ADH4: variants seen among roughly 807,000 people sequenced by gnomAD.
ADH4 encodes all-trans-retinol dehydrogenase [NAD(+)] ADH4.
ADH4 carries 31 observed loss-of-function variants against 35.2 expected under a neutral mutation model. The observed-to-expected ratio is 0.88, with a 90% CI of 0.66 to 1.19. The LOEUF (loss-of-function observed/expected upper bound fraction) is 1.19. Ranked by LOEUF, ADH4 falls within the 50% of genes most tolerant of loss-of-function variation. ADH4 has a pLI of 0.00. For missense variants in ADH4, 476 were observed against 458.3 expected (o/e 1.04, Z -0.35); for synonymous variants, 171 against 160.2 (o/e 1.07, Z -0.51).
chr4:99,142,430 G>C (rs29001175), intron 2 of ADH4, among the ~76,000 whole-genome samples: 6,884 of 152,272 alleles, frequency 0.045, 485 homozygotes, highest in African/African-American at 0.15. Flanking sequence ...TCCTTTGTCT[G>C]ATTCTTAGGG....
rs745905569 is a variant in ADH4 at position 99,136,569 on chromosome 4, T to C, written c.479A>G (p.Asp160Gly). Residue 160 changes from aspartate to glycine, a missense_variant, in exon 5 of 9, where the codon GAT becomes GGT. By Grantham distance (94) the Asp-to-Gly change is moderately conservative (BLOSUM62 -1). Coordinates refer to ENST00000265512, the MANE Select transcript of ADH4 (RefSeq NM_000670.5). ...ATCATCTATTTTGGCAAGATTGATATCTGACACCACAGTGTACTGAGAGAA... is the reference window on the plus strand; with the variant it reads ...ATCATCTATTTTGGCAAGATTGATACCTGACACCACAGTGTACTGAGAGAA... ...STFSQYTVVS[D>G]INLAKIDDDA... 2.5e-6 allele frequency: 4 copies of C among 1,614,034 alleles called. No individual in the cohort carries two copies. The highest frequency in any genetic ancestry group is 3.4e-6 in the Non-Finnish European group (4 of 1,180,010).
In ADH4 at chr4:99,124,250, A is replaced by T. The variant is rs904243514; in HGVS notation, c.*192T>A. The T allele has an allele frequency of 2.5e-5, 12 of 482,848 alleles. No homozygotes were observed. The highest frequency in any genetic ancestry group is 2.1e-5 in the African/African-American group (1 of 48,430). The allele number at this position is 482,848 out of a possible 1,614,324, so 29.9% of individuals were successfully genotyped here. A position where few individuals can be genotyped will look rare whatever the true frequency, so the allele number is the denominator to read the frequency against. ...TTCATAAACACTAGTTATTATTATT[A>T]TTTAACATAGGGAATATTCATATAT... On this transcript the variant is annotated 3_prime_UTR_variant, in exon 9 of 9. Coordinates refer to ENST00000265512, the MANE Select transcript of ADH4 (RefSeq NM_000670.5).
intron 6 of ADH4, among the ~76,000 whole-genome samples, chr4:99,127,902 G>A (rs966735635): frequency 3.3e-5 from 5 of 151,610 alleles, no homozygotes; most frequent in Non-Finnish European, 7.4e-5. Flanking sequence ...TTGTGTGTAA[G>A]TAAATAAGTT....
chr4:99,126,881 T>C (rs927997092), intron 7 of ADH4, 149 bp from the exon 8 acceptor site: 22 of 672,518 alleles, frequency 3.3e-5, no homozygotes, highest in South Asian at 5.6e-5. Context: ...TCTGTACTTA[T>C]ATCTATTTTA....
intron 3 of ADH4, among the ~76,000 whole-genome samples, chr4:99,140,541 T>A (rs35784540): frequency 0.21 from 31,877 of 151,590 alleles, 4,009 homozygotes; most frequent in Non-Finnish European, 0.28. Flanking sequence ...GCCACAGCAC[T>A]CCAGCCTGGC....
chr4:99,137,599 A>G (rs1175904512), intron 4 of ADH4, among the ~76,000 whole-genome samples: 3 of 152,166 alleles, frequency 2.0e-5, no homozygotes, highest in Non-Finnish European at 4.4e-5. Flanking sequence ...TGTGTACCAG[A>G]AATGCTTTTA....
In ADH4 at chr4:99,124,134, G is replaced by A. The variant is rs963003106; in HGVS notation, c.*308C>T. 2 of 256,246 alleles carry A rather than the reference G, an allele frequency of 7.8e-6. No individual in the cohort carries two copies. Among genetic ancestry groups the A allele is most frequent in the African/African-American group, 4.6e-5 (2 of 43,728 alleles). 15.9% of individuals were successfully genotyped at this position (256,246 alleles called of 1,614,324 possible). ...AATCTAAAAAAATTATAAACATATG[G>A]CCAATCTAGTTTTATTTATTATCTC... On this transcript the variant is annotated 3_prime_UTR_variant, in exon 9 of 9. Coordinates refer to ENST00000265512, the MANE Select transcript of ADH4 (RefSeq NM_000670.5).
intron 1 of ADH4, chr4:99,143,307 T>C: frequency 1.4e-6 from 1 of 694,494 alleles, no homozygotes; most frequent in South Asian, 1.5e-5. Context: ...AATCAAAATC[T>C]GCATTTGAAC....
intron 4 of ADH4, 22 bp downstream of exon 4, chr4:99,139,039 A>G (rs1470367813): frequency 1.9e-6 from 3 of 1,560,094 alleles, no homozygotes. Context: ...TTATACTAAT[A>G]CTAACAGTGT....
intron 6 of ADH4, among the ~76,000 whole-genome samples, chr4:99,130,852 T>A (rs890122235): frequency 7.2e-5 from 11 of 152,246 alleles, no homozygotes; most frequent in Non-Finnish European, 1.5e-4. Flanking sequence ...ATATTAAATA[T>A]AACAACACAT....
rs1579406699 is a variant in ADH4, at chr4:99,142,741, T to C, written c.58A>G (p.Lys20Glu). Reference sequence around the variant, plus strand: ...TCAACCTCTTCAATGCAAAGGGGCTTGCCTGCTTCCCAGGCGATGGCTGCT... The same window carrying C: ...TCAACCTCTTCAATGCAAAGGGGCTCGCCTGCTTCCCAGGCGATGGCTGCT... Reference protein sequence around the residue: ...CKAAIAWEAGKPLCIEEVEVA... With the variant: ...CKAAIAWEAGEPLCIEEVEVA... The change falls in exon 2 of 9, where the codon AAG becomes GAG. Residue 20 changes from lysine to glutamate, a missense_variant. Lys to Glu is a moderately conservative substitution (Grantham distance 56). Transcript: ENST00000265512. 2 of 1,606,366 alleles carry C rather than the reference T, an allele frequency of 1.2e-6. No individual in the cohort carries two copies. The highest frequency in any genetic ancestry group is 1.7e-6 in the Non-Finnish European group (2 of 1,177,310).
intron 6 of ADH4, among the ~76,000 whole-genome samples, chr4:99,127,918 T>C (rs1298697721): frequency 6.6e-6 from 1 of 151,992 alleles, no homozygotes; most frequent in Non-Finnish European, 1.5e-5. Flanking sequence ...AAGTTTTATA[T>C]TTGCCTCTGC....
intron 6 of ADH4, among the ~76,000 whole-genome samples, chr4:99,130,537 G>C (rs185694480): frequency 1.6e-3 from 243 of 152,282 alleles, no homozygotes; most frequent in Non-Finnish European, 2.6e-3. Flanking sequence ...TGGTGGGAGA[G>C]TAGGTAACTC....
intron 5 of ADH4, among the ~76,000 whole-genome samples, chr4:99,135,430 A>T (rs1370141270): frequency 2.6e-5 from 4 of 152,174 alleles, no homozygotes; most frequent in Admixed American, 1.3e-4. Flanking sequence ...CCCTGTCTCA[A>T]AAAAGAAAAA....
intron 5 of ADH4, among the ~76,000 whole-genome samples, chr4:99,134,927 C>T (rs960334663): frequency 6.6e-6 from 1 of 151,338 alleles, no homozygotes; most frequent in African/African-American, 2.4e-5. Context: ...TTCTGGATTA[C>T]AAAGCCGAGG....
At chr4:99,139,387 A>G (rs4699714) in intron 3 of ADH4, among the ~76,000 whole-genome samples, 31,890 of 152,112 alleles carry the variant, frequency 0.21, 3,997 homozygotes, top group Non-Finnish European at 0.28. Flanking sequence ...TGTTGATATC[A>G]TCAGATACAG....
At position 99,144,296 on chromosome 4, in the gene ADH4, G is replaced by A. The variant is rs968941051; in HGVS notation, c.-74C>T. On this transcript the variant is annotated 5_prime_UTR_variant, in exon 1 of 9. In the 5' UTR this introduces an upstream ATG that the reference lacks. Transcript: ENST00000265512. The stretch of plus-strand genomic sequence containing the variant: ...TTCAAACTCCTACCCAGGGAGTTCC[G>A]TGTCCTATAATGAGCTGTCTTTGAA... 6.4e-6 allele frequency: 9 copies of A among 1,404,856 alleles called. No individual in the cohort carries two copies. Among genetic ancestry groups the A allele is most frequent in the East Asian group, 4.6e-5 (2 of 43,844 alleles). The allele number at this position is 1,404,856 out of a possible 1,614,324, so 87.0% of individuals were successfully genotyped here.
At chr4:99,141,427 G>T in intron 3 of ADH4, 114 bp downstream of exon 3, 2 of 1,008,330 alleles carry the variant, frequency 2.0e-6, no homozygotes, top group Non-Finnish European at 1.4e-6. Flanking sequence ...CTTTGGAAAA[G>T]ATGGTCCCCT....
Position 99,136,565 on chromosome 4 carries a change from G to T in ADH4, c.483C>A (p.Ile161=). Residue 161 remains isoleucine, a synonymous_variant, in exon 5 of 9, where the codon ATC becomes ATA. Coordinates refer to ENST00000265512, the MANE Select transcript of ADH4 (RefSeq NM_000670.5). ...TFSQYTVVSD[I]NLAKIDDDAN... Reference sequence around the variant, plus strand: ...CATCATCATCTATTTTGGCAAGATTGATATCTGACACCACAGTGTACTGAG... The same window carrying T: ...CATCATCATCTATTTTGGCAAGATTTATATCTGACACCACAGTGTACTGAG... 6.2e-7 allele frequency: 1 copy of T among 1,614,108 alleles called. No individual in the cohort carries two copies. The highest frequency in any genetic ancestry group is 8.5e-7 in the Non-Finnish European group (1 of 1,179,990).
Sources: gnomAD v4.1 joint callset for allele counts (sites outside exome capture counted in the v4.1 genomes callset) on GRCh38, gnomAD v4.1.1 for gene constraint, MANE v1.5 for transcripts, NCBI Gene and HGNC (gene_info 2026-07-23, HGNC 2026-07-21) for gene names.